The following CSMD1 variants were observed in gnomAD, a reference collection of about 807,000 sequenced individuals.
CSMD1 encodes CUB and Sushi multiple domains 1, also known as CUB and sushi domain-containing protein 1.
CSMD1 carries 213 observed loss-of-function variants against 417.5 expected under a neutral mutation model. The ratio of observed to expected loss-of-function variants is 0.51; its 90% CI spans 0.46 to 0.57. CSMD1 has a LOEUF of 0.57. Among genes scored for constraint, CSMD1 ranks in the 20% least tolerant of loss-of-function variants. The probability of loss-of-function intolerance (pLI) is 0.00; values close to 1 mark genes in which losing one functional copy is unlikely to be tolerated. For synonymous variants in CSMD1, 2,862 were observed against 1,736.8 expected (o/e 1.65, Z -16.11); for missense variants, 6,923 against 4,529.7 (o/e 1.53, Z -15.17).
intron 4 of CSMD1, among the ~76,000 whole-genome samples, chr8:4,009,244 C>G (rs1020485839): frequency 6.6e-6 from 1 of 152,116 alleles, no homozygotes; most frequent in Non-Finnish European, 1.5e-5. Context: ...TTTCTATTTC[C>G]TCCCAAGTAA....
intron 1 of CSMD1, among the ~76,000 whole-genome samples, chr8:4,980,404 G>A (rs1279585888): frequency 1.3e-5 from 2 of 152,186 alleles, no homozygotes; most frequent in African/African-American, 2.4e-5. Context: ...GGAGAGGCAG[G>A]TCTGGTCTTG....
chr8:4,058,070 G>A (rs1257946146), intron 3 of CSMD1, among the ~76,000 whole-genome samples: 4 of 152,116 alleles, frequency 2.6e-5, no homozygotes, highest in Non-Finnish European at 5.9e-5. Flanking sequence ...ATTCTGTGAA[G>A]GAACTCATTG....
intron 41 of CSMD1, among the ~76,000 whole-genome samples, chr8:3,136,274 C>A (rs1200882561): frequency 6.7e-6 from 1 of 150,030 alleles, no homozygotes; most frequent in African/African-American, 2.5e-5. Context: ...TTTTGCCCCC[C>A]GAGATAGAGT....
intron 3 of CSMD1, among the ~76,000 whole-genome samples, chr8:4,369,968 G>C (rs188181836): frequency 6.6e-6 from 1 of 152,028 alleles, no homozygotes; most frequent in Admixed American, 6.6e-5. Context: ...ATACTGACAC[G>C]TGAGAATTGT....
At chr8:4,823,273 T>C (rs934717206) in intron 1 of CSMD1, among the ~76,000 whole-genome samples, 1 of 152,076 alleles carries the variant, frequency 6.6e-6, no homozygotes, top group Admixed American at 6.6e-5. Context: ...GTTGAAACTC[T>C]TGGAATTAAA....
intron 3 of CSMD1, among the ~76,000 whole-genome samples, chr8:4,334,408 G>C (rs1002574423): frequency 6.6e-6 from 1 of 152,122 alleles, no homozygotes; most frequent in Non-Finnish European, 1.5e-5. Flanking sequence ...AACTTTAAGA[G>C]CAAATACTGA....
intron 2 of CSMD1, among the ~76,000 whole-genome samples, chr8:4,504,967 G>C (rs1292755020): frequency 6.6e-6 from 1 of 152,172 alleles, no homozygotes; most frequent in African/African-American, 2.4e-5. Flanking sequence ...CTTTACAGGA[G>C]AATGATTTAT....
intron 2 of CSMD1, among the ~76,000 whole-genome samples, chr8:4,613,860 C>CAAAAAAA (rs60679775): frequency 8.1e-6 from 1 of 123,658 alleles, no homozygotes; most frequent in Non-Finnish European, 1.8e-5. Context: ...TGTCTAATGC[C>CAAAAAAA]AAAAAAAAAA....
chr8:4,725,749 T>G (rs1010013833), intron 1 of CSMD1, among the ~76,000 whole-genome samples: 1 of 152,124 alleles, frequency 6.6e-6, no homozygotes, highest in Non-Finnish European at 1.5e-5. Context: ...TGTGCTTATT[T>G]AGTAGCTGGT....
chr8:4,986,881 C>A (rs767918956), intron 1 of CSMD1, among the ~76,000 whole-genome samples: 2 of 151,928 alleles, frequency 1.3e-5, no homozygotes, highest in African/African-American at 4.8e-5. Context: ...TTAGTGAAAA[C>A]GTTATTAGAT....
At chr8:3,378,390 T>C (rs1225815828) in intron 18 of CSMD1, among the ~76,000 whole-genome samples, 1 of 152,114 alleles carries the variant, frequency 6.6e-6, no homozygotes. Context: ...CCTCCCTAAC[T>C]CATTTTATGA....
chr8:3,884,826 C>G (rs115444410), intron 5 of CSMD1, among the ~76,000 whole-genome samples: 2,512 of 151,780 alleles, frequency 0.017, 64 homozygotes, highest in African/African-American at 0.057. Flanking sequence ...AGAATCTCTA[C>G]TTCGTCGTCA....
At chr8:3,721,247 T>C (rs1303582484) in intron 6 of CSMD1, among the ~76,000 whole-genome samples, 1 of 152,202 alleles carries the variant, frequency 6.6e-6, no homozygotes, top group Non-Finnish European at 1.5e-5. Flanking sequence ...CCAATCATTT[T>C]TTTTCCTTTT....
At chr8:3,493,063 G>T (rs1242416776) in intron 11 of CSMD1, among the ~76,000 whole-genome samples, 1 of 152,102 alleles carries the variant, frequency 6.6e-6, no homozygotes, top group East Asian at 1.9e-4. Context: ...GGAGGCTGAA[G>T]TGGGCAAATC....
At chr8:3,769,657 G>T (rs528346379) in intron 5 of CSMD1, among the ~76,000 whole-genome samples, 1 of 151,982 alleles carries the variant, frequency 6.6e-6, no homozygotes, top group African/African-American at 2.4e-5. Context: ...GAATGTTATA[G>T]CTCTTTGTAT....
intron 1 of CSMD1, among the ~76,000 whole-genome samples, chr8:4,771,234 G>T (rs1308634292): frequency 6.6e-6 from 1 of 152,172 alleles, no homozygotes; most frequent in Non-Finnish European, 1.5e-5. Context: ...GGCAGAGCTG[G>T]ATGAGGAAGT....
intron 5 of CSMD1, among the ~76,000 whole-genome samples, chr8:3,773,531 C>T (rs904705258): frequency 2.6e-5 from 4 of 152,130 alleles, no homozygotes; most frequent in African/African-American, 7.2e-5. Flanking sequence ...AAGTGATCCT[C>T]CCACCTTGGC....
At chr8:4,032,307 A>C (rs1008695281) in intron 3 of CSMD1, among the ~76,000 whole-genome samples, 2 of 152,210 alleles carry the variant, frequency 1.3e-5, no homozygotes, top group African/African-American at 4.8e-5. Context: ...AAACATCATA[A>C]AGTGTAAATA....
intron 3 of CSMD1, among the ~76,000 whole-genome samples, chr8:4,400,795 G>C (rs1285805257): frequency 7.6e-6 from 1 of 131,726 alleles, no homozygotes; most frequent in South Asian, 2.5e-4. Context: ...AAAAACTATT[G>C]ATGAGCTCAT....
Sources: gnomAD v4.1 joint callset for allele counts (sites outside exome capture counted in the v4.1 genomes callset) on GRCh38, gnomAD v4.1.1 for gene constraint, MANE v1.5 for transcripts, NCBI Gene and HGNC (gene_info 2026-07-23, HGNC 2026-07-21) for gene names.